The following DHRS12 variants were observed in gnomAD, a reference collection of about 807,000 sequenced individuals.
The protein encoded by DHRS12 is dehydrogenase/reductase 12.
In DHRS12, 29 loss-of-function variants were observed where a neutral mutation model predicts 32.1. The observed-to-expected ratio is 0.90, with a 90% confidence interval of 0.67 to 1.23. The LOEUF (loss-of-function observed/expected upper bound fraction) is 1.23. DHRS12 is among the 50% of genes most tolerant of loss of function. The probability of loss-of-function intolerance (pLI) is 0.00; values close to 1 mark genes in which losing one functional copy is unlikely to be tolerated. For missense variants in DHRS12, 330 were observed against 337.2 expected (o/e 0.98, Z 0.17); for synonymous variants, 150 against 135.9 (o/e 1.10, Z -0.72).
the DHRS12 span, chr13:51,755,593 G>A: frequency 3.8e-6 from 3 of 798,634 alleles, no homozygotes; most frequent in South Asian, 3.3e-5. Context: ...CCTCGTGATT[G>A]CACAGTAATT....
At chr13:51,787,731 C>A (rs1955024577) in intron 4 of DHRS12, among the ~76,000 whole-genome samples, 1 of 125,430 alleles carries the variant, frequency 8.0e-6, no homozygotes, top group Non-Finnish European at 1.6e-5. Context: ...AACATATATA[C>A]ATATAATTAT....
intron 4 of DHRS12, among the ~76,000 whole-genome samples, chr13:51,777,618 T>TTCC (rs2139049504): frequency 6.6e-6 from 1 of 152,344 alleles, no homozygotes; most frequent in South Asian, 2.1e-4. Context: ...GAAATATACA[T>TTCC]ATAACATTTC....
At chr13:51,759,717 G>C in the DHRS12 span, 1 of 1,613,632 alleles carries the variant, frequency 6.2e-7, no homozygotes, top group South Asian at 1.1e-5. Flanking sequence ...AGTTCATTCT[G>C]TATCTTCTTT....
At chr13:51,760,719 GA>G in the DHRS12 span, 1 of 152,234 alleles carries the variant, frequency 6.6e-6, no homozygotes, top group East Asian at 1.9e-4. Flanking sequence ...TTCCACCTCG[GA>G]TCAGCAGGCA....
chr13:51,788,186 G>A (rs1393172782), intron 4 of DHRS12, among the ~76,000 whole-genome samples: 1 of 151,814 alleles, frequency 6.6e-6, no homozygotes, highest in Non-Finnish European at 1.5e-5. Flanking sequence ...GCTGGACTCT[G>A]CAAATTATGT....
chr13:51,777,319 A>G, intron 4 of DHRS12, 198 bp from the exon 5 acceptor site: 1 of 605,986 alleles, frequency 1.7e-6, no homozygotes, highest in South Asian at 2.0e-5. Flanking sequence ...AAGATGCCTT[A>G]GAGCCTCATG....
chr13:51,779,295 G>C (rs1290304516), intron 4 of DHRS12, among the ~76,000 whole-genome samples: 1 of 152,220 alleles, frequency 6.6e-6, no homozygotes, highest in Non-Finnish European at 1.5e-5. Context: ...GCCTGGTGCA[G>C]TAGACTTCTT....
At chr13:51,764,814 A>C (rs1374179859), downstream of DHRS12, 1 of 152,274 alleles carries the variant, frequency 6.6e-6, no homozygotes, top group Non-Finnish European at 1.5e-5. Flanking sequence ...CTATCAGTGC[A>C]CGGCCCGCAA....
intron 2 of DHRS12, among the ~76,000 whole-genome samples, chr13:51,798,077 T>C (rs1248071887): frequency 6.6e-6 from 1 of 152,188 alleles, no homozygotes; most frequent in Non-Finnish European, 1.5e-5. Flanking sequence ...AGGGAGGTGC[T>C]GGAACCTTAT....
chr13:51,784,984 T>C (rs1228486564), intron 4 of DHRS12, among the ~76,000 whole-genome samples: 2 of 152,168 alleles, frequency 1.3e-5, no homozygotes, highest in African/African-American at 4.8e-5. Flanking sequence ...TCCCAGCAAT[T>C]TGGGGGGCCA....
chr13:51,802,839 T>A (rs1955822004), intron 1 of DHRS12, among the ~76,000 whole-genome samples: 1 of 152,216 alleles, frequency 6.6e-6, no homozygotes, highest in Admixed American at 6.5e-5. Context: ...TGTGGTGGAT[T>A]GGGCCCCTTG....
At chr13:51,767,659 A>G (rs916340484), downstream of DHRS12, 1 of 154,736 alleles carries the variant, frequency 6.5e-6, no homozygotes, top group Admixed American at 6.3e-5. Context: ...AGCCACTCCT[A>G]ATCTTAAGCA....
chr13:51,773,142 T>C, intron 6 of DHRS12: 5 of 900,850 alleles, frequency 5.6e-6, no homozygotes, highest in Non-Finnish European at 6.6e-6. Context: ...TTGAGCATCC[T>C]TCATCTGAAA....
At chr13:51,784,257 C>G (rs1473229465) in intron 4 of DHRS12, among the ~76,000 whole-genome samples, 1 of 152,210 alleles carries the variant, frequency 6.6e-6, no homozygotes, top group African/African-American at 2.4e-5. Context: ...TGAGCCACAA[C>G]AGGCACACAG....
At chr13:51,801,327 T>A (rs777188924) in intron 1 of DHRS12, among the ~76,000 whole-genome samples, 2 of 152,126 alleles carry the variant, frequency 1.3e-5, no homozygotes, top group Non-Finnish European at 2.9e-5. Flanking sequence ...GCTGGGGTTA[T>A]AAGCGCCCGT....
At chr13:51,779,581 G>A (rs1954607285) in intron 4 of DHRS12, among the ~76,000 whole-genome samples, 1 of 152,174 alleles carries the variant, frequency 6.6e-6, no homozygotes, top group Admixed American at 6.5e-5. Flanking sequence ...AGGAAAAGCA[G>A]AGACGGAGAG....
At chr13:51,783,854 C>A (rs181186588) in intron 4 of DHRS12, among the ~76,000 whole-genome samples, 36 of 152,328 alleles carry the variant, frequency 2.4e-4, no homozygotes, top group African/African-American at 8.7e-4. Context: ...TGCTGAATTG[C>A]ATTCCATTGA....
intron 3 of DHRS12, among the ~76,000 whole-genome samples, chr13:51,790,648 GAAC>G (rs1409709516): frequency 1.3e-5 from 2 of 152,040 alleles, no homozygotes; most frequent in Non-Finnish European, 1.5e-5. Context: ...CCAGACTCTG[GAAC>G]AACGTTTCAG....
chr13:51,787,961 T>C (rs1955071510), intron 4 of DHRS12, among the ~76,000 whole-genome samples: 1 of 140,890 alleles, frequency 7.1e-6, no homozygotes, highest in African/African-American at 2.7e-5. Context: ...AATATACATA[T>C]ATATGCAACT....
Sources: allele counts gnomAD v4.1 joint callset (sites outside exome capture counted in the v4.1 genomes callset), GRCh38; gene constraint gnomAD v4.1.1; transcripts MANE v1.5; gene names NCBI Gene and HGNC (gene_info 2026-07-23, HGNC 2026-07-21).